The following BAHCC1 variants were observed in gnomAD, a reference collection of about 807,000 sequenced individuals.
BAHCC1 encodes the protein BAH domain and coiled-coil containing 1, also known as BAH and coiled-coil domain-containing protein 1.
In BAHCC1, 43 loss-of-function variants were observed where a neutral mutation model predicts 88.2. The ratio of observed to expected loss-of-function variants is 0.49; its 90% CI spans 0.38 to 0.63. The LOEUF is 0.63. BAHCC1 is among the 20% of genes least tolerant of loss of function. BAHCC1 has a pLI of 0.00. For missense variants in BAHCC1, 3,023 were observed against 1,654.8 expected (o/e 1.83, Z -14.34); for synonymous variants, 1,510 against 745.5 (o/e 2.03, Z -16.71).
chr17:81,400,045 G>A, intron 2 of BAHCC1, 128 bp downstream of exon 2: 1 of 894,592 alleles, frequency 1.1e-6, no homozygotes, highest in Non-Finnish European at 1.5e-6. Flanking sequence ...GTGGCTGCCT[G>A]GGCGCTGAGC....
intron 2 of BAHCC1, among the ~76,000 whole-genome samples, chr17:81,407,551 A>G (rs2063896621): frequency 6.6e-6 from 1 of 152,222 alleles, no homozygotes; most frequent in African/African-American, 2.4e-5. Context: ...GAGACCCAAG[A>G]GACCTGAGCC....
intron 1 of BAHCC1, among the ~76,000 whole-genome samples, chr17:81,398,418 G>T (rs547573571): frequency 2.9e-4 from 44 of 152,368 alleles, no homozygotes; most frequent in Non-Finnish European, 5.4e-4. Flanking sequence ...GCAGAAGGTT[G>T]TGCTGGGCCG....
chr17:81,457,817 A>C (rs1365957246), intron 17 of BAHCC1, among the ~76,000 whole-genome samples: 4 of 10,906 alleles, frequency 3.7e-4, no homozygotes, highest in Non-Finnish European at 4.9e-4. Flanking sequence ...AACCGGGGGG[A>C]GGGCAGGGGT....
chr17:81,415,987 C>T (rs2064015921), intron 2 of BAHCC1, among the ~76,000 whole-genome samples: 2 of 150,152 alleles, frequency 1.3e-5, no homozygotes, highest in African/African-American at 4.9e-5. Context: ...TGCGTGTGTC[C>T]ATGAGGATGG....
Position 81,466,317 on chromosome 17 carries a change from G to C in BAHCC1, c.*2500G>C, listed in dbSNP as rs563519045. 1 of 152,714 alleles carries C rather than the reference G, an allele frequency of 6.5e-6. No homozygotes were observed. The highest frequency in any genetic ancestry group is 2.4e-5 in the African/African-American group (1 of 41,566). 9.5% of individuals were successfully genotyped at this position (152,714 alleles called of 1,614,324 possible). A position where few individuals can be genotyped will look rare whatever the true frequency, so the allele number is the denominator to read the frequency against. On this transcript the variant is annotated 3_prime_UTR_variant, in exon 28 of 28. Transcript: ENST00000675386. ...TAACTTGCTTAAGAATAAATATATG[G>C]ACTATTGTACAGGTTTTCGGTGGTC...
At chr17:81,438,022 C>T (rs1459073868) in intron 3 of BAHCC1, among the ~76,000 whole-genome samples, 5 of 152,330 alleles carry the variant, frequency 3.3e-5, no homozygotes, top group Middle Eastern at 3.4e-3. Context: ...GTCTGTCCAC[C>T]GTGCCCCCTC....
rs1555657594 is a variant in BAHCC1 at position 81,457,472 on chromosome 17, G to A, written c.4921G>A (p.Ala1641Thr). ...LLGTEAPPRE[A>T]GLLLHTGASV... ...GGGGACAGAGGCACCACCCAGGGAA[G>A]CAGGGCTGCTGCTGCACACCGGGGC... The change falls in exon 17 of 28, where the codon GCA becomes ACA. Residue 1641 changes from alanine (A) to threonine (T), a missense_variant. Ala to Thr is a moderately conservative substitution (Grantham distance 58). Transcript: ENST00000675386. 2 of 770,922 alleles carry A rather than the reference G, an allele frequency of 2.6e-6. No homozygotes were observed. 47.8% of individuals were successfully genotyped at this position (770,922 alleles called of 1,614,324 possible). A position where few individuals can be genotyped will look rare whatever the true frequency, so the allele number is the denominator to read the frequency against.
At chr17:81,408,702 A>G (rs1211454067) in intron 2 of BAHCC1, among the ~76,000 whole-genome samples, 1 of 151,802 alleles carries the variant, frequency 6.6e-6, no homozygotes, top group East Asian at 1.9e-4. Flanking sequence ...GTCCCCTTCT[A>G]TGACCTCCCA....
rs1031889423 is a variant in BAHCC1 at position 81,426,911 on chromosome 17, C to T, written c.290C>T (p.Pro97Leu). The T allele has an allele frequency of 3.5e-5, 14 of 398,920 alleles. No homozygotes were observed. The highest frequency in any genetic ancestry group is 1.3e-4 in the Admixed American group (3 of 22,718). 24.7% of individuals were successfully genotyped at this position (398,920 alleles called of 1,614,324 possible). The change falls in exon 3 of 28, where the codon CCC becomes CTC. Residue 97 changes from proline to leucine, a missense_variant. By Grantham distance (98) the Pro-to-Leu change is moderately conservative. Transcript: ENST00000675386. ...CACCCCAGCGGCCCCAGCTCCTCCC[C>T]CCCTGAGCAGGCCTACCGTGGCTCC... ...STHPSGPSSS[P>L]PEQAYRGSHP...
chr17:81,422,868 G>A (rs781970060), intron 2 of BAHCC1: 8 of 349,078 alleles, frequency 2.3e-5, no homozygotes, highest in East Asian at 2.4e-4. Flanking sequence ...GACTCGAGGC[G>A]GGCCTGGGCG....
intron 16 of BAHCC1, 99 bp downstream of exon 16, chr17:81,456,684 G>T: frequency 1.6e-6 from 1 of 625,230 alleles, no homozygotes; most frequent in South Asian, 1.9e-5. Context: ...CACCAGGGCT[G>T]GGTCATGGCT....
chr17:81,404,957 C>G (rs1413646103), intron 2 of BAHCC1, among the ~76,000 whole-genome samples: 6 of 152,202 alleles, frequency 3.9e-5, no homozygotes, highest in Non-Finnish European at 8.8e-5. Flanking sequence ...TTAGGTCTCC[C>G]CACGAAAATA....
intron 26 of BAHCC1, chr17:81,462,470 A>G: frequency 1.9e-6 from 1 of 529,266 alleles, no homozygotes; most frequent in East Asian, 3.1e-5. Context: ...ACTGTGGTGA[A>G]CGTCTTGTCC....
At chr17:81,416,065 G>A (rs80348673) in intron 2 of BAHCC1, among the ~76,000 whole-genome samples, 8,059 of 149,436 alleles carry the variant, frequency 0.054, 544 homozygotes, top group African/African-American at 0.17. Context: ...TGTCCATGAG[G>A]ATGGGTGTAT....
Position 81,444,814 on chromosome 17 carries a change from C to T in BAHCC1, c.2659C>T (p.Pro887Ser), listed in dbSNP as rs1555653878. 3 of 776,370 alleles carry T rather than the reference C, an allele frequency of 3.9e-6. No homozygotes were observed. Among genetic ancestry groups the T allele is most frequent in the Admixed American group, 1.7e-5 (1 of 58,448 alleles). The allele number at this position is 776,370 out of a possible 1,614,324, so 48.1% of individuals were successfully genotyped here. ...CTCAGAGCCCACACCCCACAGCGCC[C>T]CCCACGCACTTGGTAAGGGCCCCTG... ...LPSEPTPHSA[P>S]HALADVMDQA... The change falls in exon 8 of 28, where the codon CCC (proline) becomes TCC (serine). Residue 887 changes from proline to serine, a missense_variant. Transcript: ENST00000675386.
chr17:81,395,666 TTTG>T (rs1460256494), intron 1 of BAHCC1, 31 bp downstream of exon 1: 2 of 151,786 alleles, frequency 1.3e-5, no homozygotes, highest in African/African-American at 2.4e-5. Context: ...TCATTTTTTT[TTTG>T]TTTTTGTATT....
chr17:81,405,361 C>T (rs1301596080), intron 2 of BAHCC1, among the ~76,000 whole-genome samples: 4 of 152,176 alleles, frequency 2.6e-5, no homozygotes, highest in South Asian at 2.1e-4. Flanking sequence ...CCACCGTGCC[C>T]GGCCTCTGGT....
chr17:81,443,844 C>T lies in BAHCC1; in HGVS notation c.2251C>T (p.Leu751=), dbSNP rs1555653494. Reference sequence around the variant, plus strand: ...GCCCCGTTCCACACACGCGCTGGACCTGGAGGCTGAGGAGGAGAGGACGAG... The same window carrying T: ...GCCCCGTTCCACACACGCGCTGGACTTGGAGGCTGAGGAGGAGAGGACGAG... The part of the protein sequence containing the change: ...GGPRSTHALD[L]EAEEERTRLC... The change falls in exon 6 of 28, where the codon CTG becomes TTG. Residue 751 remains leucine (L), a synonymous_variant. Coordinates refer to ENST00000675386, the MANE Select transcript of BAHCC1 (RefSeq NM_001377448.1). 2.8e-6 allele frequency: 2 copies of T among 714,088 alleles called. No individual in the cohort carries two copies. Among genetic ancestry groups the T allele is most frequent in the Non-Finnish European group, 5.2e-6 (2 of 384,866 alleles). 44.2% of individuals were successfully genotyped at this position (714,088 alleles called of 1,614,324 possible).
At chr17:81,428,915 G>A (rs991751669) in intron 3 of BAHCC1, among the ~76,000 whole-genome samples, 3,656 of 152,350 alleles carry the variant, frequency 0.024, 134 homozygotes, top group African/African-American at 0.082. Context: ...CACAAGTGTC[G>A]ACGTGAGCCC....
Sources: gnomAD v4.1 joint callset for allele counts (sites outside exome capture counted in the v4.1 genomes callset) on GRCh38, gnomAD v4.1.1 for gene constraint, MANE v1.5 for transcripts, NCBI Gene and HGNC (gene_info 2026-07-23, HGNC 2026-07-21) for gene names.